Variants in DOCK6 observed in about 807,000 individuals in gnomAD.
DOCK6 encodes the protein dedicator of cytokinesis 6.
Under a neutral mutation model 230.3 loss-of-function variants are expected in DOCK6, and 167 were observed. That is an observed-to-expected ratio of 0.73 (90% CI 0.64 to 0.82). The LOEUF is 0.82. DOCK6 is among the 40% of genes least tolerant of loss of function. The pLI is 0.00. For synonymous variants in DOCK6, 1,148 were observed against 1,185.0 expected (o/e 0.97, Z 0.64); for missense variants, 2,598 against 2,825.8 (o/e 0.92, Z 1.83).
chr19:11,230,854 G>A (rs1417481190), intron 22 of DOCK6, among the ~76,000 whole-genome samples: 3 of 152,068 alleles, frequency 2.0e-5, no homozygotes, highest in Non-Finnish European at 4.4e-5. Flanking sequence ...CTCCACTCTC[G>A]CTTCCTCCTT....
Position 11,200,491 on chromosome 19 carries a change from A to G in DOCK6, c.5940-22T>C, listed in dbSNP as rs749210795. ...ACATCTGAGGGCCAGAGGGTGGGAG[A>G]TGCTCAGAGACTCGCACACGGGACT... On this transcript the variant is annotated intron_variant, in intron 46 of 47. Coordinates refer to ENST00000294618, the MANE Select transcript of DOCK6 (RefSeq NM_020812.4). This position sits in a 1 kb window ranked among gnomAD's most constrained non-coding sequence, Gnocchi z 4.3. The G allele has an allele frequency of 6.0e-5, 96 of 1,605,484 alleles. No homozygotes were observed. The highest frequency in any genetic ancestry group is 7.5e-5 in the Non-Finnish European group (88 of 1,176,242).
intron 41 of DOCK6, among the ~76,000 whole-genome samples, chr19:11,203,061 C>T (rs1196002753): frequency 6.6e-6 from 1 of 152,086 alleles, no homozygotes; most frequent in Non-Finnish European, 1.5e-5. Flanking sequence ...CTGAGGCCCA[C>T]AAGAATGGGT....
Position 11,236,265 on chromosome 19 carries a change from C to T in DOCK6, c.2392+81G>A. ...AAAAATGGCCAGAGAGGTAAATGGG[C>T]TTATAGAAGATCCCTCAGGACCTCA... On this transcript the variant is annotated intron_variant, in intron 20 of 47. Coordinates refer to ENST00000294618, the MANE Select transcript of DOCK6 (RefSeq NM_020812.4). The surrounding 1 kb of genome is among the most constrained non-coding windows in gnomAD (Gnocchi z 5.2). 1.5e-6 allele frequency: 2 copies of T among 1,312,788 alleles called. No homozygotes were observed. Among genetic ancestry groups the T allele is most frequent in the Non-Finnish European group, 2.1e-6 (2 of 959,602 alleles). The allele number at this position is 1,312,788 out of a possible 1,614,324, so 81.3% of individuals were successfully genotyped here.
chr19:11,231,037 G>A (rs528984319), intron 22 of DOCK6, among the ~76,000 whole-genome samples: 1 of 152,276 alleles, frequency 6.6e-6, no homozygotes, highest in South Asian at 2.1e-4. Flanking sequence ...CCCAGCCTCA[G>A]TGTCACCCAG....
intron 39 of DOCK6, chr19:11,208,278 CTTTTTTTTT>C: frequency 8.6e-6 from 1 of 116,594 alleles, no homozygotes. Flanking sequence ...ATTCTCCTTC[CTTTTTTTTT>C]TTTTTTTTTT....
chr19:11,239,943 CG>C (rs1568252117), intron 14 of DOCK6: 1 of 1,574,144 alleles, frequency 6.4e-7, no homozygotes, highest in Non-Finnish European at 8.6e-7. Context: ...AGGTGGGCAC[CG>C]TAGCTGCGAC....
chr19:11,227,300 C>G, intron 24 of DOCK6, 37 bp downstream of exon 24: 1 of 1,605,710 alleles, frequency 6.2e-7, no homozygotes, highest in Non-Finnish European at 8.5e-7. Context: ...TGTCCTCCCT[C>G]AGGTTTCTTC....
rs562301502 is a variant in DOCK6 at position 11,253,707 on chromosome 19, G to A, written c.64C>T (p.Arg22Trp). 43 of 1,470,738 alleles carry A rather than the reference G, an allele frequency of 2.9e-5. No individual in the cohort carries two copies. The highest frequency in any genetic ancestry group is 3.4e-5 in the Non-Finnish European group (38 of 1,118,494). 91.1% of individuals were successfully genotyped at this position (1,470,738 alleles called of 1,614,324 possible). A position where few individuals can be genotyped will look rare whatever the true frequency, so the allele number is the denominator to read the frequency against. ...KINRTVAAEV[R>W]KQVSRERSGS... is the part of the protein sequence containing the mutation. The stretch of plus-strand genomic sequence containing the variant: ...CTGCGTTCCCGGGACACCTGCTTCC[G>A]CACCTCTGCGGCCACCGTCCTGGAA... The change falls in exon 2 of 48, where the codon CGG becomes TGG. Residue 22 changes from arginine to tryptophan, a missense_variant. Coordinates refer to ENST00000294618, the MANE Select transcript of DOCK6 (RefSeq NM_020812.4).
intron 37 of DOCK6, 144 bp downstream of exon 37, chr19:11,211,632 A>C: frequency 3.2e-6 from 1 of 315,668 alleles, no homozygotes; most frequent in South Asian, 3.1e-5. Flanking sequence ...CTGTCTGCTC[A>C]CCTGTCCCCC....
At chr19:11,242,638 C>A (rs941844827) in intron 13 of DOCK6, among the ~76,000 whole-genome samples, 2 of 151,828 alleles carry the variant, frequency 1.3e-5, no homozygotes, top group African/African-American at 4.8e-5. Flanking sequence ...GTGATCTGCC[C>A]GCCTCGGCCT....
At chr19:11,211,570 C>T (rs1445216052) in intron 37 of DOCK6, among the ~76,000 whole-genome samples, 2 of 26,170 alleles carry the variant, frequency 7.6e-5, no homozygotes, top group African/African-American at 2.3e-4. Flanking sequence ...CTGTCCCCCT[C>T]ACCTGTCTGC....
intron 35 of DOCK6, among the ~76,000 whole-genome samples, 194 bp from the exon 36 acceptor site, chr19:11,212,345 A>T (rs2079402741): frequency 6.6e-6 from 1 of 151,770 alleles, no homozygotes; most frequent in Non-Finnish European, 1.5e-5. Context: ...GAGTTCAGGC[A>T]ATTCTCCTGC....
chr19:11,217,186 C>T, intron 29 of DOCK6, 45 bp downstream of exon 29: 1 of 1,601,618 alleles, frequency 6.2e-7, no homozygotes, highest in Non-Finnish European at 8.5e-7. Flanking sequence ...TGACTTCTCT[C>T]ATTCAAAGTG....
intron 24 of DOCK6, among the ~76,000 whole-genome samples, chr19:11,226,992 T>C (rs555903588): frequency 6.6e-6 from 1 of 152,192 alleles, no homozygotes; most frequent in East Asian, 1.9e-4. Context: ...AGCCCAAGCA[T>C]GGTCTTGCCT....
chr19:11,202,119 T>A lies in DOCK6; in HGVS notation c.5458A>T (p.Ile1820Phe). Reference sequence around the variant, plus strand: ...TACGGTTCCACATACGTGATCTGGATGTAGGCCTGGGCGCAGGGTCAGGTG... The same window carrying A: ...TACGGTTCCACATACGTGATCTGGAAGTAGGCCTGGGCGCAGGGTCAGGTG... ...KSKLDSQKAY[I>F]QITYVEPYFD... Residue 1820 changes from isoleucine to phenylalanine, a missense_variant, in exon 44 of 48, where the codon ATC (isoleucine) becomes TTC (phenylalanine). Coordinates refer to ENST00000294618, the MANE Select transcript of DOCK6 (RefSeq NM_020812.4). This position sits in a 1 kb window ranked among gnomAD's most constrained non-coding sequence, Gnocchi z 5.3. The A allele has an allele frequency of 1.9e-6, 3 of 1,613,946 alleles. No homozygotes were observed. The highest frequency in any genetic ancestry group is 2.5e-6 in the Non-Finnish European group (3 of 1,179,858).
chr19:11,229,071 G>A, intron 22 of DOCK6, 36 bp from the exon 23 acceptor site: 1 of 1,592,222 alleles, frequency 6.3e-7, no homozygotes, highest in Non-Finnish European at 8.6e-7. Context: ...AGTGCGAGGT[G>A]CCACCCCTTC....
intron 34 of DOCK6, 135 bp from the exon 35 acceptor site, chr19:11,213,463 G>T: frequency 7.7e-7 from 1 of 1,300,532 alleles, no homozygotes; most frequent in Non-Finnish European, 1.0e-6. Context: ...TGGGTTCGGA[G>T]TCAGACCTGG....
intron 14 of DOCK6, chr19:11,240,128 T>C (rs2079918601): frequency 1.3e-6 from 2 of 1,551,466 alleles, no homozygotes; most frequent in South Asian, 2.4e-5. Context: ...CACTGTTTAT[T>C]AAGCAGATGG....
Position 11,237,452 on chromosome 19 carries a change from A to G in DOCK6, c.2073+4T>C, listed in dbSNP as rs527741390. The G allele has an allele frequency of 1.2e-6, 2 of 1,613,564 alleles. No homozygotes were observed. The highest frequency in any genetic ancestry group is 1.7e-6 in the Non-Finnish European group (2 of 1,179,850). ...TTGGCAGGCAGGAGCTCCAGGGCAC[A>G]TACATCGGGTGTGAGCACGGAATAG... is the stretch of plus-strand genomic sequence containing the variant. On this transcript the variant is annotated splice_donor_region_variant and intron_variant, in intron 18 of 47. Transcript: ENST00000294618.
Sources: allele counts gnomAD v4.1 joint callset (sites outside exome capture counted in the v4.1 genomes callset), GRCh38; gene constraint gnomAD v4.1.1; non-coding constraint Gnocchi (gnomAD v3.1); transcripts MANE v1.5; gene names NCBI Gene and HGNC (gene_info 2026-07-23, HGNC 2026-07-21).